Variants in FRMD5 observed in about 807,000 individuals in gnomAD.
FRMD5 encodes the protein FERM domain-containing protein 5.
Under a neutral mutation model 69.0 loss-of-function variants are expected in FRMD5, and 20 were observed. That is an observed-to-expected ratio of 0.29 (90% CI 0.20 to 0.42). The LOEUF (loss-of-function observed/expected upper bound fraction) is 0.42, where lower values mean the gene tolerates loss of function less well. Ranked by LOEUF, FRMD5 falls within the 10% of genes least tolerant of loss-of-function variation. The pLI is 1.00. For synonymous variants in FRMD5, 271 were observed against 260.1 expected, an observed-to-expected ratio of 1.04 and a Z score of -0.40; for missense variants, 595 against 708.6, an observed-to-expected ratio of 0.84 and a Z score of 1.82.
chr15:43,905,690 C>T lies in FRMD5; in HGVS notation c.551+138G>A, dbSNP rs980568255. 99 of 1,048,186 alleles carry T rather than the reference C, an allele frequency of 9.4e-5. No homozygotes were observed. In the African/African-American group the frequency reaches 1.5e-3, roughly 16 times the overall value. The allele number at this position is 1,048,186 out of a possible 1,614,324, so 64.9% of individuals were successfully genotyped here. The stretch of plus-strand genomic sequence containing the variant: ...TGTCAGTGTATCACTGACAATGGTA[C>T]ATCCGCGGTCAGGAAGGCTGGGGAG... On this transcript the variant is annotated intron_variant, in intron 6 of 13. Transcript: ENST00000417257.
chr15:43,922,498 T>G (rs1483057460), intron 2 of FRMD5, among the ~76,000 whole-genome samples: 2 of 152,140 alleles, frequency 1.3e-5, no homozygotes, highest in East Asian at 3.9e-4. Flanking sequence ...TGTTCTTATC[T>G]CTCTCTAGTT....
intron 1 of FRMD5, among the ~76,000 whole-genome samples, chr15:44,017,363 A>G (rs1891012650): frequency 6.6e-6 from 1 of 151,882 alleles, no homozygotes; most frequent in Non-Finnish European, 1.5e-5. Context: ...AAAACCATGT[A>G]CCATGGCACC....
At chr15:44,091,511 T>A (rs1476078282) in intron 1 of FRMD5, among the ~76,000 whole-genome samples, 1 of 152,160 alleles carries the variant, frequency 6.6e-6, no homozygotes, top group Admixed American at 6.6e-5. Flanking sequence ...CTTTCCTAAC[T>A]AATTTTAGCT....
At chr15:43,949,084 C>T (rs1218008148) in intron 1 of FRMD5, among the ~76,000 whole-genome samples, 1 of 152,226 alleles carries the variant, frequency 6.6e-6, no homozygotes, top group African/African-American at 2.4e-5. Flanking sequence ...GGCTTCAGGG[C>T]TCCATGGTTA....
intron 1 of FRMD5, among the ~76,000 whole-genome samples, chr15:44,094,819 A>T (rs2076527080): frequency 1.3e-5 from 2 of 152,114 alleles, no homozygotes; most frequent in African/African-American, 2.4e-5. Flanking sequence ...TCATCTCTTT[A>T]ATCAGACCAA....
At chr15:44,014,294 T>C (rs926140574) in intron 1 of FRMD5, among the ~76,000 whole-genome samples, 1 of 152,054 alleles carries the variant, frequency 6.6e-6, no homozygotes, top group Non-Finnish European at 1.5e-5. Context: ...CTGGTATTCA[T>C]CCAAACAAAA....
At chr15:44,029,514 G>C (rs777534280) in intron 1 of FRMD5, among the ~76,000 whole-genome samples, 3 of 152,172 alleles carry the variant, frequency 2.0e-5, no homozygotes, top group Admixed American at 1.3e-4. Context: ...AGGTATTCTA[G>C]TGGCTAGGAT....
chr15:44,057,354 C>A (rs1375474369), intron 1 of FRMD5, among the ~76,000 whole-genome samples: 4 of 151,936 alleles, frequency 2.6e-5, no homozygotes, highest in Non-Finnish European at 5.9e-5. Flanking sequence ...GATCCACCTG[C>A]CTCAGCCTCC....
chr15:43,941,302 G>A (rs774628857), intron 1 of FRMD5, among the ~76,000 whole-genome samples: 12 of 152,122 alleles, frequency 7.9e-5, no homozygotes, highest in Non-Finnish European at 1.5e-4. Context: ...CCCACGTTGG[G>A]GTGTAGTGAC....
intron 1 of FRMD5, among the ~76,000 whole-genome samples, chr15:43,982,204 A>C (rs565218043): frequency 6.6e-6 from 1 of 152,250 alleles, no homozygotes; most frequent in African/African-American, 2.4e-5. Context: ...GCTGAATTAG[A>C]GATGTTGTGT....
At chr15:43,885,821 AT>A in intron 10 of FRMD5, 66 bp from the exon 11 acceptor site, 1 of 1,218,980 alleles carries the variant, frequency 8.2e-7, no homozygotes, top group Admixed American at 1.7e-5. Flanking sequence ...AAGGCAGCAC[AT>A]CCCCAGCTTC....
Position 43,883,819 on chromosome 15 carries a change from A to G in FRMD5, c.1029-10T>C. ...GGGAACCATCCCTGCTCTGAGGTTA[A>G]AGAAAAAGAACCTTGTTAATTCAGT... On this transcript the variant is annotated splice_polypyrimidine_tract_variant and intron_variant, in intron 12 of 13. Coordinates refer to ENST00000417257, the MANE Select transcript of FRMD5 (RefSeq NM_032892.5). 6.2e-7 allele frequency: 1 copy of G among 1,605,532 alleles called. No individual in the cohort carries two copies. The highest frequency in any genetic ancestry group is 8.5e-7 in the Non-Finnish European group (1 of 1,172,276).
At chr15:44,151,847 T>C (rs888829093) in intron 1 of FRMD5, among the ~76,000 whole-genome samples, 2 of 152,188 alleles carry the variant, frequency 1.3e-5, no homozygotes, top group African/African-American at 2.4e-5. Context: ...ACATATCTGA[T>C]AAGCGATTAA....
chr15:43,950,159 G>A (rs2090005206), intron 1 of FRMD5, among the ~76,000 whole-genome samples: 1 of 152,228 alleles, frequency 6.6e-6, no homozygotes, highest in African/African-American at 2.4e-5. Flanking sequence ...TGAGGTACTG[G>A]TGGAATGGTG....
intron 1 of FRMD5, among the ~76,000 whole-genome samples, chr15:44,164,515 A>C (rs2077676574): frequency 6.6e-6 from 1 of 152,216 alleles, no homozygotes; most frequent in Non-Finnish European, 1.5e-5. Context: ...TAGCCTATTC[A>C]CTAGCAAGAT....
chr15:44,176,702 T>C (rs1384250121), intron 1 of FRMD5, among the ~76,000 whole-genome samples: 1 of 152,082 alleles, frequency 6.6e-6, no homozygotes, highest in Non-Finnish European at 1.5e-5. Context: ...AATAACCCAA[T>C]TTTTAAATGG....
intron 1 of FRMD5, among the ~76,000 whole-genome samples, chr15:44,025,455 TATGTA>T (rs1418663284): frequency 2.0e-5 from 3 of 152,074 alleles, no homozygotes; most frequent in African/African-American, 7.2e-5. Flanking sequence ...CACACAAATA[TATGTA>T]ATTATATGTA....
At chr15:44,096,305 A>G (rs528798633) in intron 1 of FRMD5, among the ~76,000 whole-genome samples, 3 of 152,124 alleles carry the variant, frequency 2.0e-5, no homozygotes, top group African/African-American at 2.4e-5. Context: ...TATGCTATAT[A>G]AACACTAAAG....
At chr15:43,976,352 T>C (rs990578762) in intron 1 of FRMD5, among the ~76,000 whole-genome samples, 8 of 152,200 alleles carry the variant, frequency 5.3e-5, no homozygotes, top group Non-Finnish European at 1.2e-4. Context: ...CGACATGACA[T>C]GCCAAGAACT....
Sources: gnomAD v4.1 joint callset for allele counts (sites outside exome capture counted in the v4.1 genomes callset) on GRCh38, gnomAD v4.1.1 for gene constraint, MANE v1.5 for transcripts, NCBI Gene and HGNC (gene_info 2026-07-23, HGNC 2026-07-21) for gene names.